The following FOXRED2 variants were observed in gnomAD, a reference collection of about 807,000 sequenced individuals.
FOXRED2 encodes FAD-dependent oxidoreductase domain-containing protein 2.
FOXRED2 carries 32 observed loss-of-function variants against 52.5 expected under a neutral mutation model. That is an observed-to-expected ratio of 0.61 (90% CI 0.46 to 0.82). The LOEUF (loss-of-function observed/expected upper bound fraction) is 0.82, where lower values mean the gene tolerates loss of function less well. FOXRED2 is among the 40% of genes least tolerant of loss of function. The probability of loss-of-function intolerance (pLI) is 0.00; values close to 1 mark genes in which losing one functional copy is unlikely to be tolerated. For synonymous variants in FOXRED2, 405 were observed against 398.1 expected, an observed-to-expected ratio of 1.02 and a Z score of -0.21; for missense variants, 848 against 937.5, an observed-to-expected ratio of 0.90 and a Z score of 1.25.
intron 5 of FOXRED2, chr22:36,498,484 G>A (rs2145849581): frequency 4.1e-6 from 1 of 243,438 alleles, no homozygotes; most frequent in Non-Finnish European, 8.1e-6. Flanking sequence ...GCTGGAGTTG[G>A]TCTCCAGGCC....
chr22:36,491,097 C>T lies in FOXRED2; in HGVS notation c.1796-830G>A, dbSNP rs181217188. Among the ~76,000 whole-genome samples the T allele has an allele frequency of 4.7e-3, 706 of 151,600 alleles. 5 individuals are homozygous for T. The highest frequency in any genetic ancestry group is 0.016 in the African/African-American group (648 of 41,316). ...GAATCACTCGAATCCAGGAGGCGGACGTTGCAGTGAGCCAAGATCGTGCCA... is the reference window on the plus strand; with the variant it reads ...GAATCACTCGAATCCAGGAGGCGGATGTTGCAGTGAGCCAAGATCGTGCCA... On this transcript the variant is annotated intron_variant, in intron 8 of 8. Coordinates refer to ENST00000397224, the MANE Select transcript of FOXRED2 (RefSeq NM_001102371.2).
rs1402095576 is a variant in FOXRED2, at chr22:36,488,717, G to A, written c.*1291C>T. ...CTGCCTCAGCCTCTCCAGTAGCTGG[G>A]ATTATAGACATGTGCTACCACGCCT... is the stretch of plus-strand genomic sequence containing the variant. On this transcript the variant is annotated 3_prime_UTR_variant, in exon 9 of 9. Coordinates refer to ENST00000397224, the MANE Select transcript of FOXRED2 (RefSeq NM_001102371.2). The A allele has an allele frequency of 1.3e-5, 2 of 152,180 alleles. No homozygotes were observed. Among genetic ancestry groups the A allele is most frequent in the Non-Finnish European group, 2.9e-5 (2 of 68,070 alleles). 9.4% of individuals were successfully genotyped at this position (152,180 alleles called of 1,614,324 possible).
At position 36,490,278 on chromosome 22, in the gene FOXRED2, G is replaced by C. The variant is rs1365816677; in HGVS notation, c.1796-11C>G. On this transcript the variant is annotated splice_polypyrimidine_tract_variant and intron_variant, in intron 8 of 8. Transcript: ENST00000397224. Reference sequence around the variant, plus strand: ...ACAGGAAGCAGGACTCTACACAAAAGCAAAATGAGGAGAATGAGCCAGGCT... The same window carrying C: ...ACAGGAAGCAGGACTCTACACAAAACCAAAATGAGGAGAATGAGCCAGGCT... The C allele has an allele frequency of 1.3e-6, 2 of 1,578,018 alleles. No individual in the cohort carries two copies. The highest frequency in any genetic ancestry group is 1.7e-6 in the Non-Finnish European group (2 of 1,157,430).
chr22:36,499,989 T>C (rs1347185367), intron 5 of FOXRED2, among the ~76,000 whole-genome samples: 1 of 151,978 alleles, frequency 6.6e-6, no homozygotes, highest in Admixed American at 6.6e-5. Context: ...TAAGTAGAGG[T>C]GGGATTTCAC....
At chr22:36,497,644 T>G (rs1317317090) in intron 6 of FOXRED2, among the ~76,000 whole-genome samples, 1 of 152,194 alleles carries the variant, frequency 6.6e-6, no homozygotes, top group African/African-American at 2.4e-5. Context: ...GAGGGAGCTC[T>G]GAGATCCACG....
intron 8 of FOXRED2, among the ~76,000 whole-genome samples, chr22:36,492,766 C>T (rs891767566): frequency 6.6e-6 from 1 of 152,204 alleles, no homozygotes; most frequent in Non-Finnish European, 1.5e-5. Context: ...GATCCACCCA[C>T]CTCGGCCTCC....
In FOXRED2 at chr22:36,504,169, A is replaced by C. The variant is rs750694467; in HGVS notation, c.978T>G (p.Phe326Leu). The C allele has an allele frequency of 1.9e-6, 3 of 1,614,144 alleles. No individual in the cohort carries two copies. The highest frequency in any genetic ancestry group is 1.7e-6 in the Non-Finnish European group (2 of 1,180,052). The change falls in exon 4 of 9, where the codon TTT (phenylalanine) becomes TTG (leucine). Residue 326 changes from phenylalanine to leucine, a missense_variant. Physicochemically the swap from Phe to Leu is conservative, Grantham distance 22 (BLOSUM62 0). Transcript: ENST00000397224. Reference protein sequence around the residue: ...ITLPQDDNDNFAMRVPYDRVI... With the variant: ...ITLPQDDNDNLAMRVPYDRVI... ...CCCGGTCATAGGGCACGCGCATGGC[A>C]AAGTTGTCATTGTCGTCCTGGGGGA...
intron 2 of FOXRED2, among the ~76,000 whole-genome samples, chr22:36,505,584 C>A (rs1490642067): frequency 6.6e-6 from 1 of 152,006 alleles, no homozygotes; most frequent in Non-Finnish European, 1.5e-5. Flanking sequence ...GCCTGGCCAA[C>A]GTCGTGAAAT....
chr22:36,490,379 G>A (rs1023950358), intron 8 of FOXRED2, 112 bp from the exon 9 acceptor site: 17 of 1,245,324 alleles, frequency 1.4e-5, no homozygotes, highest in Non-Finnish European at 1.7e-5. Flanking sequence ...GCCTTGCCTG[G>A]TATCTTCCAT....
intron 7 of FOXRED2, among the ~76,000 whole-genome samples, chr22:36,495,398 C>T (rs11914081): frequency 0.022 from 3,410 of 152,266 alleles, 121 homozygotes; most frequent in African/African-American, 0.079. Flanking sequence ...GCAGGGGGTG[C>T]GTTCCCGAGG....
At position 36,504,213 on chromosome 22, in the gene FOXRED2, T is replaced by G; in HGVS notation, c.934A>C (p.Ser312Arg). Residue 312 changes from serine (S) to arginine (R), a missense_variant, in exon 4 of 9, where the codon AGT becomes CGT. Physicochemically the swap from Ser to Arg is moderately radical, Grantham distance 110. Coordinates refer to ENST00000397224, the MANE Select transcript of FOXRED2 (RefSeq NM_001102371.2). ...TGGGGGAGGGTGATGGAGTCGGCAC[T>G]CTGGTTGGTGTTGGCTTCTTCCAGG... ...FFLEEANTNQSADSITLPQDD... is the reference protein window; with the variant it reads ...FFLEEANTNQRADSITLPQDD... 1.2e-6 allele frequency: 2 copies of G among 1,614,184 alleles called. No individual in the cohort carries two copies. The highest frequency in any genetic ancestry group is 1.7e-6 in the Non-Finnish European group (2 of 1,180,042).
intron 8 of FOXRED2, 83 bp downstream of exon 8, chr22:36,493,550 T>G (rs1215561600): frequency 2.3e-6 from 3 of 1,278,048 alleles, no homozygotes; most frequent in Non-Finnish European, 3.3e-6. Context: ...ATATGGGTCC[T>G]GAAACTCCAC....
At position 36,488,559 on chromosome 22, in the gene FOXRED2, G is replaced by C. The variant is rs114278780; in HGVS notation, c.*1449C>G. On this transcript the variant is annotated 3_prime_UTR_variant, in exon 9 of 9. Coordinates refer to ENST00000397224, the MANE Select transcript of FOXRED2 (RefSeq NM_001102371.2). ...ACAGGTGTAAGCAACTGTACCCAGCGCATGTTTTATTTTAATTTAATTTAA... is the reference window on the plus strand; with the variant it reads ...ACAGGTGTAAGCAACTGTACCCAGCCCATGTTTTATTTTAATTTAATTTAA... 6.6e-6 allele frequency: 1 copy of C among 151,790 alleles called. No individual in the cohort carries two copies. The highest frequency in any genetic ancestry group is 2.4e-5 in the African/African-American group (1 of 41,314). 9.4% of individuals were successfully genotyped at this position (151,790 alleles called of 1,614,324 possible). A position where few individuals can be genotyped will look rare whatever the true frequency, so the allele number is the denominator to read the frequency against.
chr22:36,505,682 A>G (rs1224250056), intron 2 of FOXRED2, among the ~76,000 whole-genome samples: 1 of 152,034 alleles, frequency 6.6e-6, no homozygotes, highest in Non-Finnish European at 1.5e-5. Flanking sequence ...GAGGCAGGAG[A>G]ATCGCTTGAA....
chr22:36,490,540 C>T (rs1933729644), intron 8 of FOXRED2, among the ~76,000 whole-genome samples: 1 of 152,264 alleles, frequency 6.6e-6, no homozygotes, highest in Admixed American at 6.5e-5. Flanking sequence ...CACAGCAATG[C>T]CTCAGCTCCC....
Position 36,498,634 on chromosome 22 carries a change from C to T in FOXRED2, c.1217-478G>A, listed in dbSNP as rs190016536. Among the ~76,000 whole-genome samples the T allele has an allele frequency of 3.8e-3, 582 of 152,288 alleles. 1 individual carries two copies. The highest frequency in any genetic ancestry group is 6.5e-3 in the Non-Finnish European group (444 of 68,036). On this transcript the variant is annotated intron_variant, in intron 5 of 8. Coordinates refer to ENST00000397224, the MANE Select transcript of FOXRED2 (RefSeq NM_001102371.2). ...CACAGCTCTGTTTCCATCAGAGACG[C>T]GCCTACAGAAATCTTTGATTTCGCC...
chr22:36,499,272 G>T (rs1364246966), intron 5 of FOXRED2, among the ~76,000 whole-genome samples: 1 of 152,134 alleles, frequency 6.6e-6, no homozygotes, highest in Non-Finnish European at 1.5e-5. Flanking sequence ...GAATGTCTTT[G>T]AGTGGCAGAA....
chr22:36,492,604 C>T (rs780478782), intron 8 of FOXRED2, among the ~76,000 whole-genome samples: 1 of 152,166 alleles, frequency 6.6e-6, no homozygotes, highest in Non-Finnish European at 1.5e-5. Flanking sequence ...CATCCGCCTT[C>T]CGGGTTCAAG....
Position 36,504,763 on chromosome 22 carries a change from G to A in FOXRED2, c.531C>T (p.Val177=). 9 of 1,614,082 alleles carry A rather than the reference G, an allele frequency of 5.6e-6. No individual in the cohort carries two copies. The highest frequency in any genetic ancestry group is 7.6e-6 in the Non-Finnish European group (9 of 1,179,964). The change falls in exon 3 of 9, where the codon GTC becomes GTT. Residue 177 remains valine, a synonymous_variant. Coordinates refer to ENST00000397224, the MANE Select transcript of FOXRED2 (RefSeq NM_001102371.2). ...DQKGQVHQCS[V]LFVATGLSVP... ...CTGATAAACCAGTGGCTACAAAGAG[G>A]ACGCTGCAGGCGGGGACAGAGGAAA...
Sources: gnomAD v4.1 joint callset for allele counts (sites outside exome capture counted in the v4.1 genomes callset) on GRCh38, gnomAD v4.1.1 for gene constraint, MANE v1.5 for transcripts, NCBI Gene and HGNC (gene_info 2026-07-23, HGNC 2026-07-21) for gene names.